Variants in PTPN14 observed in about 807,000 individuals in gnomAD.
The protein encoded by PTPN14 is tyrosine-protein phosphatase non-receptor type 14.
A neutral mutation model predicts 126.8 loss-of-function variants in PTPN14; 53 were observed. That is an observed-to-expected ratio of 0.42 (90% confidence interval 0.34 to 0.53). The LOEUF (loss-of-function observed/expected upper bound fraction) is 0.53, where lower values mean the gene tolerates loss of function less well. Among genes scored for constraint, PTPN14 ranks in the 20% least tolerant of loss-of-function variants. The probability of loss-of-function intolerance (pLI) is 0.08; values close to 1 mark genes in which losing one functional copy is unlikely to be tolerated. For synonymous variants in PTPN14, 630 were observed against 599.3 expected, an observed-to-expected ratio of 1.05 and a Z score of -0.75; for missense variants, 1,257 against 1,552.9, an observed-to-expected ratio of 0.81 and a Z score of 3.20.
intron 2 of PTPN14, among the ~76,000 whole-genome samples, chr1:214,458,114 T>C (rs1660425868): frequency 6.6e-6 from 1 of 152,064 alleles, no homozygotes; most frequent in South Asian, 2.1e-4. Context: ...CAGTAGTATG[T>C]TAATAGCTCA....
chr1:214,411,675 T>C lies in PTPN14; in HGVS notation c.510+9A>G. 1 of 1,462,244 alleles carries C rather than the reference T, an allele frequency of 6.8e-7. No individual in the cohort carries two copies. The highest frequency in any genetic ancestry group is 2.4e-5 in the East Asian group (1 of 41,608). The allele number at this position is 1,462,244 out of a possible 1,614,324, so 90.6% of individuals were successfully genotyped here. A position where few individuals can be genotyped will look rare whatever the true frequency, so the allele number is the denominator to read the frequency against. ...GAAAATTAATTAAGAAAAATGAAAT[T>C]ACACTTACCATAGGAAATAGCACAT... is the stretch of plus-strand genomic sequence containing the variant. On this transcript the variant is annotated intron_variant, in intron 5 of 18. Transcript: ENST00000366956.
intron 11 of PTPN14, among the ~76,000 whole-genome samples, chr1:214,388,004 C>T (rs972823498): frequency 1.3e-5 from 2 of 152,122 alleles, no homozygotes; most frequent in East Asian, 3.9e-4. Flanking sequence ...TACCCACCAC[C>T]GCAGTGCAGA....
At chr1:214,497,850 GA>G (rs1034463852) in intron 1 of PTPN14, among the ~76,000 whole-genome samples, 5 of 151,232 alleles carry the variant, frequency 3.3e-5, no homozygotes, top group African/African-American at 7.3e-5. Flanking sequence ...TTCTTAGGGG[GA>G]AAAAAAAGGA....
Position 214,354,663 on chromosome 1 carries a change from T to C in PTPN14, c.*3259A>G, listed in dbSNP as rs1657774956. ...AACAAGGATGAATACCTCGGGTCAA[T>C]GTATCCAAATGAGTGTGGATGAAAG... On this transcript the variant is annotated 3_prime_UTR_variant, in exon 19 of 19. Transcript: ENST00000366956. 6.6e-6 allele frequency: 1 copy of C among 152,222 alleles called. No homozygotes were observed. Among genetic ancestry groups the C allele is most frequent in the Non-Finnish European group, 1.5e-5 (1 of 68,040 alleles). The allele number at this position is 152,222 out of a possible 1,614,324, so 9.4% of individuals were successfully genotyped here.
In PTPN14 at chr1:214,448,662, G is replaced by GAT. The variant is rs1660202971; in HGVS notation, c.344+3141_344+3142dup. Among the ~76,000 whole-genome samples the GAT allele has an allele frequency of 5.9e-5, 9 of 152,268 alleles. No individual in the cohort carries two copies. The South Asian group carries it at 1.9e-3, about 32-fold the overall frequency. ...ATTTATAAGTGCTCCAGGTAACTAT[G>GAT]ATACAGCAGGCCCTGGTCTTTTGAG... On this transcript the variant is annotated intron_variant, in intron 3 of 18. Transcript: ENST00000366956.
intron 4 of PTPN14, among the ~76,000 whole-genome samples, chr1:214,414,338 C>G (rs531669484): frequency 1.1e-3 from 161 of 152,240 alleles, no homozygotes; most frequent in African/African-American, 3.8e-3. Context: ...AGAAAATGTT[C>G]CACAAACCCT....
intron 1 of PTPN14, among the ~76,000 whole-genome samples, chr1:214,496,501 C>A (rs1654517874): frequency 1.3e-5 from 2 of 152,202 alleles, no homozygotes; most frequent in Admixed American, 1.3e-4. Context: ...GCTCCCCAAA[C>A]TTCCAATGGA....
chr1:214,401,616 A>G (rs1260362915), intron 7 of PTPN14, 69 bp downstream of exon 7: 9 of 1,361,074 alleles, frequency 6.6e-6, no homozygotes. Context: ...CACTGCTATC[A>G]ACAATGGTTT....
At chr1:214,436,114 G>A (rs1430716650) in intron 3 of PTPN14, among the ~76,000 whole-genome samples, 2 of 152,164 alleles carry the variant, frequency 1.3e-5, no homozygotes, top group Non-Finnish European at 2.9e-5. Context: ...GCAGGTGGAG[G>A]TCATTATCCT....
At chr1:214,488,732 T>C (rs1308621319) in intron 1 of PTPN14, among the ~76,000 whole-genome samples, 1 of 152,186 alleles carries the variant, frequency 6.6e-6, no homozygotes, top group Non-Finnish European at 1.5e-5. Flanking sequence ...TTCTTCAGGA[T>C]CACAGAGGGC....
At chr1:214,494,312 T>C (rs12566894) in intron 1 of PTPN14, among the ~76,000 whole-genome samples, 27,873 of 152,050 alleles carry the variant, frequency 0.18, 3,072 homozygotes, top group East Asian at 0.38. Context: ...TCCGCCCGCC[T>C]TGGCTTCCCA....
intron 1 of PTPN14, among the ~76,000 whole-genome samples, chr1:214,515,603 T>C (rs1248962159): frequency 1.3e-5 from 2 of 152,230 alleles, no homozygotes; most frequent in Non-Finnish European, 2.9e-5. Context: ...AGGGAATATC[T>C]TTTCATTTAT....
chr1:214,497,687 A>G (rs1253689395), intron 1 of PTPN14, among the ~76,000 whole-genome samples: 1 of 152,214 alleles, frequency 6.6e-6, no homozygotes, highest in Admixed American at 6.5e-5. Flanking sequence ...GCAGCTTACC[A>G]TATATTACCG....
intron 1 of PTPN14, among the ~76,000 whole-genome samples, chr1:214,535,472 A>G (rs1655681078): frequency 6.6e-6 from 1 of 152,212 alleles, no homozygotes; most frequent in Non-Finnish European, 1.5e-5. Flanking sequence ...GACAAAAGCA[A>G]GAGTTAGAAG....
At chr1:214,360,764 C>T (rs1657936418) in intron 18 of PTPN14, among the ~76,000 whole-genome samples, 1 of 152,178 alleles carries the variant, frequency 6.6e-6, no homozygotes, top group African/African-American at 2.4e-5. Flanking sequence ...ACTTATGACT[C>T]AGTTTCTCTT....
chr1:214,422,817 A>C lies in PTPN14; in HGVS notation c.345-8091T>G, dbSNP rs1659574651. Among the ~76,000 whole-genome samples the C allele has an allele frequency of 2.0e-5, 3 of 152,230 alleles. No homozygotes were observed. In the South Asian group the frequency reaches 6.2e-4, roughly 31 times the overall value. On this transcript the variant is annotated intron_variant, in intron 3 of 18. Transcript: ENST00000366956. ...GTTCTTCCCTAGAATCCCTAATTAAAGGTAGTCCCTACCTTTTCACAGGTA... is the reference window on the plus strand; with the variant it reads ...GTTCTTCCCTAGAATCCCTAATTAACGGTAGTCCCTACCTTTTCACAGGTA...
chr1:214,513,445 C>CAAA (rs113773162), intron 1 of PTPN14, among the ~76,000 whole-genome samples: 4,614 of 146,962 alleles, frequency 0.031, 235 homozygotes, highest in African/African-American at 0.11. Flanking sequence ...ATTAGTTCTT[C>CAAA]AAAAAAAAAA....
At chr1:214,515,594 G>A (rs1655079942) in intron 1 of PTPN14, among the ~76,000 whole-genome samples, 2 of 152,020 alleles carry the variant, frequency 1.3e-5, no homozygotes, top group Non-Finnish European at 2.9e-5. Flanking sequence ...TTCATAAGTA[G>A]GGAATATCTT....
At chr1:214,488,851 C>T (rs1199621701) in intron 1 of PTPN14, among the ~76,000 whole-genome samples, 2 of 152,224 alleles carry the variant, frequency 1.3e-5, no homozygotes, top group Non-Finnish European at 2.9e-5. Flanking sequence ...TTTCCCATCA[C>T]AAGCACAGAC....
Sources: allele counts gnomAD v4.1 joint callset (sites outside exome capture counted in the v4.1 genomes callset), GRCh38; gene constraint gnomAD v4.1.1; transcripts MANE v1.5; gene names NCBI Gene and HGNC (gene_info 2026-07-23, HGNC 2026-07-21).